ARHGAP32: variants seen among roughly 807,000 people sequenced by gnomAD.
The protein encoded by ARHGAP32 is rho GTPase-activating protein 32.
ARHGAP32 carries 51 observed loss-of-function variants against 186.5 expected under a neutral mutation model. That is an observed-to-expected ratio of 0.27 (90% CI 0.22 to 0.35). The LOEUF is 0.35. Ranked by LOEUF, ARHGAP32 falls within the 10% of genes least tolerant of loss-of-function variation. ARHGAP32 has a pLI of 1.00. For synonymous variants in ARHGAP32, 950 were observed against 964.3 expected (o/e 0.99, Z 0.27); for missense variants, 2,186 against 2,623.5 (o/e 0.83, Z 3.64).
chr11:129,189,403 T>C (rs1235293534), intron 1 of ARHGAP32, among the ~76,000 whole-genome samples: 2 of 152,222 alleles, frequency 1.3e-5, no homozygotes, highest in African/African-American at 2.4e-5. Context: ...ATACACTGTA[T>C]AAAGCATATA....
intron 7 of ARHGAP32, among the ~76,000 whole-genome samples, chr11:129,065,274 A>G (rs549860661): frequency 1.3e-5 from 2 of 152,228 alleles, no homozygotes; most frequent in Non-Finnish European, 1.5e-5. Context: ...CCTACTACTC[A>G]GAAACCCTTT....
chr11:129,072,352 C>T (rs1191109288), intron 6 of ARHGAP32, among the ~76,000 whole-genome samples: 1 of 152,168 alleles, frequency 6.6e-6, no homozygotes, highest in African/African-American at 2.4e-5. Flanking sequence ...TACAAAAATA[C>T]ATTCATGATA....
At chr11:129,048,974 C>T (rs1565395537) in intron 10 of ARHGAP32, among the ~76,000 whole-genome samples, 1 of 151,446 alleles carries the variant, frequency 6.6e-6, no homozygotes, top group Admixed American at 6.6e-5. Context: ...GTTTCTAAAA[C>T]AGAGCAGTGC....
chr11:129,190,711 A>T (rs1944253569), intron 1 of ARHGAP32, among the ~76,000 whole-genome samples: 1 of 152,184 alleles, frequency 6.6e-6, no homozygotes, highest in Non-Finnish European at 1.5e-5. Flanking sequence ...CAAATACCCA[A>T]ATAACTTCCA....
intron 1 of ARHGAP32, among the ~76,000 whole-genome samples, chr11:129,206,776 T>C (rs1944520070): frequency 6.6e-6 from 1 of 152,148 alleles, no homozygotes; most frequent in East Asian, 1.9e-4. Flanking sequence ...TGAATATACT[T>C]TAAGTTCTGG....
At chr11:129,075,536 A>G (rs1286845045) in intron 6 of ARHGAP32, among the ~76,000 whole-genome samples, 1 of 152,172 alleles carries the variant, frequency 6.6e-6, no homozygotes, top group African/African-American at 2.4e-5. Flanking sequence ...TACAGTTGTA[A>G]TTATTTAACA....
At chr11:129,187,353 G>T (rs1027952092) in intron 1 of ARHGAP32, among the ~76,000 whole-genome samples, 6 of 150,876 alleles carry the variant, frequency 4.0e-5, no homozygotes, top group Admixed American at 1.3e-4. Context: ...TAGAAGGATG[G>T]TTACCAGAGG....
intron 10 of ARHGAP32, among the ~76,000 whole-genome samples, chr11:129,060,296 C>A (rs1387902294): frequency 6.6e-6 from 1 of 151,444 alleles, no homozygotes; most frequent in African/African-American, 2.4e-5. Context: ...AGAAGAAACT[C>A]AAATCCAAAA....
chr11:128,986,911 A>G (rs1945889869), intron 13 of ARHGAP32, among the ~76,000 whole-genome samples: 1 of 152,226 alleles, frequency 6.6e-6, no homozygotes, highest in Admixed American at 6.5e-5. Context: ...AAAATGGACA[A>G]TAGCCTCTGA....
At chr11:129,182,602 T>C (rs1475085489) in intron 1 of ARHGAP32, among the ~76,000 whole-genome samples, 2 of 151,928 alleles carry the variant, frequency 1.3e-5, no homozygotes, top group Admixed American at 1.3e-4. Context: ...AATGCCTTCC[T>C]ATTATAAAAA....
In ARHGAP32 at chr11:129,149,036, T is replaced by C. The variant is rs76637842; in HGVS notation, c.225+15283A>G. Among the ~76,000 whole-genome samples the C allele has an allele frequency of 9.9e-5, 15 of 152,240 alleles. No homozygotes were observed. In the East Asian group the frequency reaches 2.9e-3, roughly 29 times the overall value. Reference sequence around the variant, plus strand: ...TTCCATGGTTGCCAAACACAAAAGATAGAAACTCTTGGGGGCTTTATGGCC... The same window carrying C: ...TTCCATGGTTGCCAAACACAAAAGACAGAAACTCTTGGGGGCTTTATGGCC... On this transcript the variant is annotated intron_variant, in intron 2 of 22. Coordinates refer to ENST00000682385, the MANE Select transcript of ARHGAP32 (RefSeq NM_001378024.1).
At chr11:129,230,831 A>G (rs1196768345) in intron 1 of ARHGAP32, among the ~76,000 whole-genome samples, 2 of 152,106 alleles carry the variant, frequency 1.3e-5, no homozygotes, top group Non-Finnish European at 2.9e-5. Context: ...TATATTATCC[A>G]ATACCATAAA....
chr11:129,078,061 G>A (rs1941102237), intron 6 of ARHGAP32, among the ~76,000 whole-genome samples: 2 of 152,130 alleles, frequency 1.3e-5, no homozygotes, highest in Admixed American at 6.5e-5. Flanking sequence ...CCCTCACAGA[G>A]CCCACTTCAT....
intron 1 of ARHGAP32, among the ~76,000 whole-genome samples, chr11:129,269,377 C>T (rs1353228430): frequency 6.6e-6 from 1 of 152,088 alleles, no homozygotes; most frequent in Non-Finnish European, 1.5e-5. Flanking sequence ...GCTACATATA[C>T]AGGTAATCAT....
intron 5 of ARHGAP32, among the ~76,000 whole-genome samples, chr11:129,101,591 T>C (rs957984737): frequency 1.3e-5 from 2 of 151,884 alleles, no homozygotes; most frequent in Non-Finnish European, 2.9e-5. Flanking sequence ...AGACCAAGCA[T>C]AGGAAAGAAT....
At chr11:129,193,667 T>TATATATAATATATAATATATATTATATA (rs1944339335), upstream of ARHGAP32, among the ~76,000 whole-genome samples, 7 of 47,218 alleles carry the variant, frequency 1.5e-4, no homozygotes, top group South Asian at 4.3e-4. Flanking sequence ...CAATATATAT[T>TATATATAATATATAATATATATTATATA]ATATATAATA....
At chr11:129,022,164 C>T (rs1051399860) in intron 11 of ARHGAP32, among the ~76,000 whole-genome samples, 1 of 152,026 alleles carries the variant, frequency 6.6e-6, no homozygotes, top group African/African-American at 2.4e-5. Context: ...TCAAAGGTAA[C>T]AGGACTACCA....
chr11:129,146,021 C>G (rs1415001505), intron 2 of ARHGAP32, among the ~76,000 whole-genome samples: 1 of 152,004 alleles, frequency 6.6e-6, no homozygotes, highest in African/African-American at 2.4e-5. Context: ...TGATGGTTCA[C>G]AAAGCAACAT....
chr11:129,137,837 C>T (rs951303116), intron 2 of ARHGAP32, among the ~76,000 whole-genome samples: 2 of 151,738 alleles, frequency 1.3e-5, no homozygotes, highest in Admixed American at 6.6e-5. Context: ...TTATGATACA[C>T]GTGTGTAAGA....
Sources: gnomAD v4.1 joint callset for allele counts (sites outside exome capture counted in the v4.1 genomes callset) on GRCh38, gnomAD v4.1.1 for gene constraint, MANE v1.5 for transcripts, NCBI Gene and HGNC (gene_info 2026-07-23, HGNC 2026-07-21) for gene names.